Variants in MAP3K5 observed in about 807,000 individuals in gnomAD.
MAP3K5 encodes ASK-1.
MAP3K5 carries 56 observed loss-of-function variants against 158.7 expected under a neutral mutation model. That is an observed-to-expected ratio of 0.35 (90% CI 0.28 to 0.44). The LOEUF is 0.44. MAP3K5 is among the 20% of genes least tolerant of loss of function. The pLI, the probability that MAP3K5 is intolerant of heterozygous loss-of-function variation, is 1.00. For synonymous variants in MAP3K5, 579 were observed against 601.7 expected (o/e 0.96, Z 0.55); for missense variants, 1,294 against 1,674.8 (o/e 0.77, Z 3.97).
At chr6:136,738,450 C>T (rs148671214) in intron 1 of MAP3K5, among the ~76,000 whole-genome samples, 1 of 152,146 alleles carries the variant, frequency 6.6e-6, no homozygotes, top group African/African-American at 2.4e-5. Context: ...ATTCACATTG[C>T]TAAAATGAGA....
intron 8 of MAP3K5, among the ~76,000 whole-genome samples, chr6:136,660,522 T>C (rs1778961440): frequency 6.6e-6 from 1 of 152,250 alleles, no homozygotes; most frequent in East Asian, 1.9e-4. Context: ...AACTTTGTTC[T>C]TTTTCAACAC....
chr6:136,682,849 T>C (rs778675819), intron 7 of MAP3K5, among the ~76,000 whole-genome samples: 4 of 152,180 alleles, frequency 2.6e-5, no homozygotes, highest in Non-Finnish European at 5.9e-5. Context: ...CCCTGATATA[T>C]GAAATTCAGA....
chr6:136,722,188 C>G (rs1781771511), intron 1 of MAP3K5, among the ~76,000 whole-genome samples: 1 of 152,120 alleles, frequency 6.6e-6, no homozygotes, highest in Non-Finnish European at 1.5e-5. Flanking sequence ...AGTAATAATA[C>G]AATTTAGTAA....
rs544432589 is a variant in MAP3K5, at chr6:136,572,264, AT to A, written c.3518-4391del. Among the ~76,000 whole-genome samples the A allele has an allele frequency of 5.0e-4, 74 of 148,930 alleles. 1 individual carries two copies. Among genetic ancestry groups the A allele is most frequent in the South Asian group, 1.3e-3 (6 of 4,736 alleles). On this transcript the variant is annotated intron_variant, in intron 25 of 29. Coordinates refer to ENST00000359015, the MANE Select transcript of MAP3K5 (RefSeq NM_005923.4). ...AATTTATTTCATGATTTCTAAACTG[AT>A]TTTTTTTTTTAAGACGGGGTTTTGC...
intron 17 of MAP3K5, among the ~76,000 whole-genome samples, chr6:136,611,621 A>G (rs1776350893): frequency 6.6e-6 from 1 of 152,276 alleles, no homozygotes; most frequent in African/African-American, 2.4e-5. Context: ...CAGTGAGAAA[A>G]TTATGACAGT....
At chr6:136,715,687 G>A (rs1326152963) in intron 2 of MAP3K5, among the ~76,000 whole-genome samples, 2 of 151,968 alleles carry the variant, frequency 1.3e-5, no homozygotes, top group African/African-American at 2.4e-5. Context: ...TGATATTGAC[G>A]TCTGAAGCAC....
intron 2 of MAP3K5, among the ~76,000 whole-genome samples, chr6:136,709,234 C>A (rs1360373052): frequency 6.6e-6 from 1 of 152,002 alleles, no homozygotes; most frequent in East Asian, 1.9e-4. Flanking sequence ...ACAGCGGGTA[C>A]TACAAAAGCA....
chr6:136,642,000 TA>T (rs1435870485), intron 12 of MAP3K5, among the ~76,000 whole-genome samples: 1 of 104,396 alleles, frequency 9.6e-6, no homozygotes, highest in Non-Finnish European at 1.9e-5. Context: ...CAAAATAAAA[TA>T]AAATAAAATA....
At chr6:136,692,290 A>G (rs1288716805) in intron 7 of MAP3K5, among the ~76,000 whole-genome samples, 1 of 152,142 alleles carries the variant, frequency 6.6e-6, no homozygotes, top group African/African-American at 2.4e-5. Flanking sequence ...TCTTAAGAGT[A>G]TGTAGTTTTT....
chr6:136,642,395 T>C, intron 12 of MAP3K5, 125 bp downstream of exon 12: 2 of 748,888 alleles, frequency 2.7e-6, no homozygotes, highest in East Asian at 2.5e-5. Flanking sequence ...GGCTGGGCAT[T>C]TCCACCAATT....
At position 136,567,758 on chromosome 6, in the gene MAP3K5, C is replaced by G; in HGVS notation, c.3634G>C (p.Ala1212Pro). Reference protein sequence around the residue: ...PSNQTVRRPQAVIEDAVATSG... With the variant: ...PSNQTVRRPQPVIEDAVATSG... ...GTAGCCACAGCATCTTCAATGACAG[C>G]CTGAGGTCTTCGGACAGTTTGATTT... The change falls in exon 26 of 30, where the codon GCT (alanine) becomes CCT (proline). Residue 1212 changes from alanine (A) to proline (P), a missense_variant. Ala to Pro is a conservative substitution (Grantham distance 27, BLOSUM62 -1). Coordinates refer to ENST00000359015, the MANE Select transcript of MAP3K5 (RefSeq NM_005923.4). The G allele has an allele frequency of 6.2e-7, 1 of 1,614,098 alleles. No homozygotes were observed. Among genetic ancestry groups the G allele is most frequent in the South Asian group, 1.1e-5 (1 of 91,084 alleles).
chr6:136,589,399 G>T (rs542718856), intron 23 of MAP3K5, among the ~76,000 whole-genome samples: 3 of 152,196 alleles, frequency 2.0e-5, no homozygotes, highest in Non-Finnish European at 4.4e-5. Context: ...TCATACCAGG[G>T]ACTGAGTGTG....
chr6:136,642,625 A>C, intron 11 of MAP3K5, 56 bp from the exon 12 acceptor site: 1 of 1,190,286 alleles, frequency 8.4e-7, no homozygotes, highest in Non-Finnish European at 1.2e-6. Context: ...TAACATAACA[A>C]CAATAATTTT....
intron 1 of MAP3K5, among the ~76,000 whole-genome samples, chr6:136,776,741 C>T (rs776647343): frequency 1.3e-5 from 2 of 152,166 alleles, no homozygotes; most frequent in Non-Finnish European, 2.9e-5. Context: ...ATATGCTGAA[C>T]GGATTGGTAA....
chr6:136,617,682 C>G (rs1025533168), intron 15 of MAP3K5, among the ~76,000 whole-genome samples: 2 of 152,098 alleles, frequency 1.3e-5, no homozygotes, highest in Admixed American at 6.5e-5. Context: ...TCCTGTAATC[C>G]CAGCACTTTG....
At chr6:136,620,935 T>C (rs1461345083) in intron 15 of MAP3K5, among the ~76,000 whole-genome samples, 1 of 152,220 alleles carries the variant, frequency 6.6e-6, no homozygotes, top group African/African-American at 2.4e-5. Flanking sequence ...TTCCTGAACA[T>C]TTTTGTTCCT....
At position 136,787,507 on chromosome 6, in the gene MAP3K5, C is replaced by T. The variant is rs112382790; in HGVS notation, c.448+4203G>A. Among the ~76,000 whole-genome samples, 1,146 of 152,342 alleles carry T rather than the reference C, an allele frequency of 7.5e-3. 12 individuals are homozygous for T. The highest frequency in any genetic ancestry group is 0.026 in the African/African-American group (1,075 of 41,572). On this transcript the variant is annotated intron_variant, in intron 1 of 29. Coordinates refer to ENST00000359015, the MANE Select transcript of MAP3K5 (RefSeq NM_005923.4). ...ATCTCAGATACCAATTATTCCAACA[C>T]TCCACTCTTTTCTGAGGCTTTAAAT... is the stretch of plus-strand genomic sequence containing the variant.
chr6:136,682,114 C>A (rs552488393), intron 7 of MAP3K5, among the ~76,000 whole-genome samples: 28 of 152,274 alleles, frequency 1.8e-4, no homozygotes, highest in African/African-American at 6.5e-4. Context: ...CTGGAACTAG[C>A]GATCCCTTAG....
At chr6:136,719,641 A>AT (rs1225535494) in intron 2 of MAP3K5, among the ~76,000 whole-genome samples, 1 of 152,230 alleles carries the variant, frequency 6.6e-6, no homozygotes, top group Non-Finnish European at 1.5e-5. Flanking sequence ...TCATATAACA[A>AT]TTGCTAAGTC....
Sources: gnomAD v4.1 joint callset for allele counts (sites outside exome capture counted in the v4.1 genomes callset) on GRCh38, gnomAD v4.1.1 for gene constraint, MANE v1.5 for transcripts, NCBI Gene and HGNC (gene_info 2026-07-23, HGNC 2026-07-21) for gene names.